Variants in STXBP5L observed in about 807,000 individuals in gnomAD.
The protein encoded by STXBP5L is syntaxin binding protein 5L.
Under a neutral mutation model 144.5 loss-of-function variants are expected in STXBP5L, and 65 were observed. The ratio of observed to expected loss-of-function variants is 0.45; its 90% CI spans 0.37 to 0.55. The LOEUF is 0.55. Ranked by LOEUF, STXBP5L falls within the 20% of genes least tolerant of loss-of-function variation. The pLI, the probability that STXBP5L is intolerant of heterozygous loss-of-function variation, is 0.00. For missense variants in STXBP5L, 1,298 were observed against 1,405.5 expected, an observed-to-expected ratio of 0.92 and a Z score of 1.22; for synonymous variants, 505 against 469.6, an observed-to-expected ratio of 1.08 and a Z score of -0.97.
intron 5 of STXBP5L, among the ~76,000 whole-genome samples, chr3:121,065,785 G>C (rs73189307): frequency 6.6e-6 from 1 of 152,134 alleles, no homozygotes; most frequent in Non-Finnish European, 1.5e-5. Context: ...AATTAAAATT[G>C]TGGCCAGGGC....
intron 20 of STXBP5L, among the ~76,000 whole-genome samples, chr3:121,366,263 C>G (rs959211794): frequency 2.0e-5 from 3 of 151,850 alleles, no homozygotes; most frequent in African/African-American, 7.2e-5. Context: ...TTATATATCA[C>G]TGTTAGATCT....
chr3:121,082,873 C>T (rs937118876), intron 5 of STXBP5L, among the ~76,000 whole-genome samples: 1 of 152,154 alleles, frequency 6.6e-6, no homozygotes, highest in African/African-American at 2.4e-5. Context: ...AAATGTATGG[C>T]TGAATTCTAT....
intron 22 of STXBP5L, among the ~76,000 whole-genome samples, chr3:121,404,339 A>G (rs373340132): frequency 2.5e-4 from 38 of 152,144 alleles, no homozygotes; most frequent in African/African-American, 8.9e-4. Flanking sequence ...CTGTACTATT[A>G]CCACACAGTT....
At chr3:121,175,484 C>T (rs1475966422) in intron 9 of STXBP5L, among the ~76,000 whole-genome samples, 1 of 152,072 alleles carries the variant, frequency 6.6e-6, no homozygotes, top group East Asian at 1.9e-4. Flanking sequence ...CACACAGTCT[C>T]AAGAGGCAAA....
intron 22 of STXBP5L, among the ~76,000 whole-genome samples, chr3:121,395,830 T>G (rs1270491429): frequency 6.6e-6 from 1 of 152,152 alleles, no homozygotes; most frequent in Non-Finnish European, 1.5e-5. Flanking sequence ...TGTCCCCAGG[T>G]GGGTGGCTGT....
intron 5 of STXBP5L, among the ~76,000 whole-genome samples, chr3:121,070,144 G>A (rs2041740987): frequency 6.6e-6 from 1 of 152,242 alleles, no homozygotes; most frequent in Admixed American, 6.5e-5. Flanking sequence ...CATATGTCCA[G>A]AATTCTGAGC....
intron 3 of STXBP5L, among the ~76,000 whole-genome samples, chr3:120,984,590 CTTCG>C (rs1484894108): frequency 1.5e-5 from 2 of 137,894 alleles, no homozygotes; most frequent in Non-Finnish European, 3.1e-5. Flanking sequence ...AGATTACTTA[CTTCG>C]TTCTTTCCAA....
At chr3:121,012,636 A>T (rs535071323) in intron 3 of STXBP5L, among the ~76,000 whole-genome samples, 6 of 151,820 alleles carry the variant, frequency 4.0e-5, no homozygotes, top group Admixed American at 3.9e-4. Flanking sequence ...CTTTAGAGAA[A>T]TGTCGATTTA....
intron 2 of STXBP5L, among the ~76,000 whole-genome samples, chr3:120,951,802 G>T (rs369906620): frequency 1.3e-5 from 2 of 152,012 alleles, no homozygotes; most frequent in Non-Finnish European, 2.9e-5. Context: ...ATCCCATTAC[G>T]GGGTATATAC....
chr3:121,022,099 C>A (rs1336383817), intron 3 of STXBP5L, among the ~76,000 whole-genome samples: 2 of 152,040 alleles, frequency 1.3e-5, no homozygotes, highest in East Asian at 3.8e-4. Flanking sequence ...ACAACCAATA[C>A]CACAGAAATA....
intron 9 of STXBP5L, among the ~76,000 whole-genome samples, chr3:121,191,821 C>G (rs2047697746): frequency 6.6e-6 from 1 of 151,904 alleles, no homozygotes; most frequent in South Asian, 2.1e-4. Context: ...AGCTGGAAAC[C>G]ATCACTCAGC....
intron 9 of STXBP5L, among the ~76,000 whole-genome samples, chr3:121,164,169 C>T (rs1272912371): frequency 6.6e-6 from 1 of 152,040 alleles, no homozygotes; most frequent in African/African-American, 2.4e-5. Flanking sequence ...TTTATAACTC[C>T]ATTAAAAAAT....
At chr3:120,995,630 C>A (rs1431129804) in intron 3 of STXBP5L, among the ~76,000 whole-genome samples, 1 of 151,890 alleles carries the variant, frequency 6.6e-6, no homozygotes, top group East Asian at 1.9e-4. Context: ...CTACAGTTAT[C>A]AACATTTTTT....
At chr3:120,958,747 AC>A (rs1938353020) in intron 3 of STXBP5L, among the ~76,000 whole-genome samples, 1 of 152,216 alleles carries the variant, frequency 6.6e-6, no homozygotes, top group Non-Finnish European at 1.5e-5. Context: ...TATTGATGGG[AC>A]GTATCTCTAA....
intron 7 of STXBP5L, among the ~76,000 whole-genome samples, chr3:121,138,669 T>G (rs746662308): frequency 1.3e-5 from 2 of 152,108 alleles, no homozygotes; most frequent in African/African-American, 4.8e-5. Flanking sequence ...AAGGAAAGTC[T>G]CCTTAATAAA....
At chr3:120,991,727 C>G (rs912942393) in intron 3 of STXBP5L, among the ~76,000 whole-genome samples, 1 of 151,646 alleles carries the variant, frequency 6.6e-6, no homozygotes, top group Non-Finnish European at 1.5e-5. Context: ...AACCAAACAC[C>G]GCATGTTCTC....
intron 3 of STXBP5L, among the ~76,000 whole-genome samples, chr3:121,017,824 C>T (rs1050634546): frequency 3.3e-5 from 5 of 152,004 alleles, no homozygotes; most frequent in Non-Finnish European, 5.9e-5. Flanking sequence ...TGGCTGTAAT[C>T]ACAACATTTT....
chr3:121,048,772 G>A (rs1047072850), intron 5 of STXBP5L, among the ~76,000 whole-genome samples: 1 of 148,034 alleles, frequency 6.8e-6, no homozygotes, highest in East Asian at 2.1e-4. Flanking sequence ...TGCAACCTCC[G>A]CCTCCCTGGT....
At chr3:121,052,744 A>G (rs1276168522) in intron 5 of STXBP5L, among the ~76,000 whole-genome samples, 1 of 151,978 alleles carries the variant, frequency 6.6e-6, no homozygotes, top group African/African-American at 2.4e-5. Context: ...AGTTCTGGCC[A>G]GGGCAATCAG....
Sources: allele counts gnomAD v4.1 joint callset (sites outside exome capture counted in the v4.1 genomes callset), GRCh38; gene constraint gnomAD v4.1.1; transcripts MANE v1.5; gene names NCBI Gene and HGNC (gene_info 2026-07-23, HGNC 2026-07-21).